Variants in KCNU1 observed in about 807,000 individuals in gnomAD.
KCNU1 encodes potassium calcium-activated channel subfamily U member 1.
A neutral mutation model predicts 126.8 loss-of-function variants in KCNU1; 93 were observed. The observed-to-expected ratio is 0.73, with a 90% CI of 0.62 to 0.87. KCNU1 has a LOEUF of 0.87. Ranked by LOEUF, KCNU1 falls within the 40% of genes least tolerant of loss-of-function variation. The pLI, the probability that KCNU1 is intolerant of heterozygous loss-of-function variation, is 0.00. For missense variants in KCNU1, 1,330 were observed against 1,367.1 expected, an observed-to-expected ratio of 0.97 and a Z score of 0.43; for synonymous variants, 523 against 494.2, an observed-to-expected ratio of 1.06 and a Z score of -0.77.
At chr8:36,811,171 T>C (rs375180316) in intron 7 of KCNU1, among the ~76,000 whole-genome samples, 1 of 152,094 alleles carries the variant, frequency 6.6e-6, no homozygotes, top group Non-Finnish European at 1.5e-5. Context: ...AGGACAATAT[T>C]GATTCAACCT....
At chr8:36,844,569 A>G (rs748243055) in intron 16 of KCNU1, among the ~76,000 whole-genome samples, 2 of 152,198 alleles carry the variant, frequency 1.3e-5, no homozygotes, top group Non-Finnish European at 1.5e-5. Context: ...TGAGGTAGTA[A>G]TCTACCTGAA....
intron 19 of KCNU1, among the ~76,000 whole-genome samples, chr8:36,883,681 C>A (rs1369962147): frequency 2.6e-5 from 4 of 151,986 alleles, no homozygotes; most frequent in Admixed American, 2.0e-4. Flanking sequence ...GTCCCAGCTA[C>A]TTGGGAGGCT....
intron 12 of KCNU1, among the ~76,000 whole-genome samples, chr8:36,835,348 CTTT>C (rs113877164): frequency 7.1e-6 from 1 of 141,660 alleles, no homozygotes; most frequent in African/African-American, 2.6e-5. Context: ...CTTTTCTTTT[CTTT>C]TTTTTTTTTT....
chr8:36,880,225 G>T (rs562144863), intron 19 of KCNU1, among the ~76,000 whole-genome samples: 1 of 151,938 alleles, frequency 6.6e-6, no homozygotes, highest in African/African-American at 2.4e-5. Flanking sequence ...TCATTTACTC[G>T]GATTGGCAGC....
At chr8:36,918,943 A>G in intron 23 of KCNU1, 46 bp downstream of exon 23, 1 of 1,196,342 alleles carries the variant, frequency 8.4e-7, no homozygotes, top group Non-Finnish European at 1.2e-6. Flanking sequence ...AATTTTTGTG[A>G]TATATAATTT....
intron 19 of KCNU1, among the ~76,000 whole-genome samples, chr8:36,878,187 C>T (rs987410131): frequency 4.6e-5 from 7 of 151,974 alleles, no homozygotes; most frequent in African/African-American, 7.3e-5. Context: ...TAAAATAATG[C>T]CCAATTAGTT....
At chr8:36,901,319 A>T (rs1807410449) in intron 19 of KCNU1, among the ~76,000 whole-genome samples, 1 of 152,120 alleles carries the variant, frequency 6.6e-6, no homozygotes, top group South Asian at 2.1e-4. Flanking sequence ...AGGTGCCATG[A>T]CTGGCAACCA....
rs550293843 is a variant in KCNU1, at chr8:36,797,979, C to T, written c.316-6048C>T. ...TAGACTGCCAATAGGGAGTACAAGA[C>T]GAGGCATGAAGCCTAGAGGTCAGAA... On this transcript the variant is annotated intron_variant, in intron 2 of 26. Transcript: ENST00000399881. Among the ~76,000 whole-genome samples, 5 of 152,250 alleles carry T rather than the reference C, an allele frequency of 3.3e-5. No homozygotes were observed. In the South Asian group the frequency reaches 6.2e-4, roughly 19 times the overall value.
intron 19 of KCNU1, among the ~76,000 whole-genome samples, chr8:36,876,865 T>C (rs1399601449): frequency 2.0e-5 from 3 of 152,280 alleles, no homozygotes; most frequent in African/African-American, 7.2e-5. Flanking sequence ...CTGGCCTGTT[T>C]CCACCCTGAG....
chr8:36,813,108 G>A (rs1288161128), intron 7 of KCNU1, among the ~76,000 whole-genome samples: 7 of 152,156 alleles, frequency 4.6e-5, no homozygotes, highest in Non-Finnish European at 7.4e-5. Flanking sequence ...AGAAGTCAGT[G>A]ACTTTGCAAC....
chr8:36,853,784 G>C (rs1192184458), intron 18 of KCNU1, among the ~76,000 whole-genome samples: 1 of 151,988 alleles, frequency 6.6e-6, no homozygotes, highest in African/African-American at 2.4e-5. Context: ...TATAGGGTCG[G>C]TTAAGTATAG....
intron 18 of KCNU1, among the ~76,000 whole-genome samples, chr8:36,855,471 T>C (rs1805496224): frequency 6.6e-6 from 1 of 152,176 alleles, no homozygotes; most frequent in Non-Finnish European, 1.5e-5. Flanking sequence ...AATAAGGCTT[T>C]TGAAGAACTG....
intron 19 of KCNU1, among the ~76,000 whole-genome samples, chr8:36,880,453 T>C (rs1329603746): frequency 6.6e-6 from 1 of 152,202 alleles, no homozygotes; most frequent in African/African-American, 2.4e-5. Flanking sequence ...TTACATTATA[T>C]ATTGCTGTCA....
At chr8:36,817,785 G>A (rs551303900) in intron 10 of KCNU1, 25 bp downstream of exon 10, 6 of 1,127,098 alleles carry the variant, frequency 5.3e-6, no homozygotes, top group Non-Finnish European at 6.8e-6. Flanking sequence ...ATGGCTCATG[G>A]GTTCTAAATT....
rs1585399204 is a variant in KCNU1 at position 36,808,844 on chromosome 8, T to G, written c.732+51T>G. On this transcript the variant is annotated intron_variant, in intron 7 of 26. Coordinates refer to ENST00000399881, the MANE Select transcript of KCNU1 (RefSeq NM_001031836.3). ...TGGTGTCTGTTGTTACCAGCATCCA[T>G]TTTTTGAAAAATGGAAGGGAACCTG... 8 of 1,391,198 alleles carry G rather than the reference T, an allele frequency of 5.8e-6. No homozygotes were observed. In the East Asian group the frequency reaches 1.9e-4, roughly 33 times the overall value. The allele number at this position is 1,391,198 out of a possible 1,614,324, so 86.2% of individuals were successfully genotyped here.
chr8:36,859,938 G>A (rs919706558), intron 18 of KCNU1, among the ~76,000 whole-genome samples: 1 of 152,144 alleles, frequency 6.6e-6, no homozygotes, highest in African/African-American at 2.4e-5. Context: ...AGTAAGTTCT[G>A]CATATATGAT....
Position 36,905,449 on chromosome 8 carries a change from A to G in KCNU1, c.2010-259A>G, listed in dbSNP as rs534827797. 1.9e-4 allele frequency among the ~76,000 whole-genome samples: 21 copies of G among 113,336 alleles called. No homozygotes were observed. The South Asian group carries it at 7.2e-3, about 39-fold the overall frequency. The allele number at this position is 113,336 out of a possible 152,430, so 74.4% of individuals were successfully genotyped here. ...AGAAATAACTATCTTCAAGGTACAT[A>G]TAATCTAAGGCAAAAAAAAAAAAAA... On this transcript the variant is annotated intron_variant, in intron 19 of 26. Transcript: ENST00000399881.
chr8:36,922,284 A>G lies in KCNU1; in HGVS notation c.2597-206A>G, dbSNP rs1252919538. ...TGTCCCCTTGATGGTGAATGTACCC[A>G]ATAGAACTATGTACTTTGTGGGAAG... On this transcript the variant is annotated intron_variant, in intron 23 of 26. Transcript: ENST00000399881. 2.0e-5 allele frequency among the ~76,000 whole-genome samples: 3 copies of G among 152,286 alleles called. No homozygotes were observed. The East Asian group carries it at 5.8e-4, about 29-fold the overall frequency.
intron 19 of KCNU1, among the ~76,000 whole-genome samples, chr8:36,881,043 A>T (rs1297154577): frequency 6.6e-6 from 1 of 152,092 alleles, no homozygotes; most frequent in Non-Finnish European, 1.5e-5. Context: ...CATCTCACAG[A>T]GGAGGGAGGA....
Sources: gnomAD v4.1 joint callset for allele counts (sites outside exome capture counted in the v4.1 genomes callset) on GRCh38, gnomAD v4.1.1 for gene constraint, MANE v1.5 for transcripts, NCBI Gene and HGNC (gene_info 2026-07-23, HGNC 2026-07-21) for gene names.